The following RAD51AP1 variants were observed in gnomAD, a reference collection of about 807,000 sequenced individuals.
RAD51AP1 encodes RAD51-associated protein 1.
A neutral mutation model predicts 34.3 loss-of-function variants in RAD51AP1; 14 were observed. The ratio of observed to expected loss-of-function variants is 0.41; its 90% CI spans 0.27 to 0.64. The LOEUF (loss-of-function observed/expected upper bound fraction) is 0.64. Among genes scored for constraint, RAD51AP1 ranks in the 30% least tolerant of loss-of-function variants. RAD51AP1 has a pLI of 0.33. For synonymous variants in RAD51AP1, 114 were observed against 129.8 expected (o/e 0.88, Z 0.83); for missense variants, 348 against 386.9 (o/e 0.90, Z 0.84).
Position 4,556,359 on chromosome 12 carries a change from C to T in RAD51AP1, c.728C>T (p.Ser243Leu), listed in dbSNP as rs766644662. ...SKSKCNALVTSVDSAPAAVKS... is the reference protein window; with the variant it reads ...SKSKCNALVTLVDSAPAAVKS... The stretch of plus-strand genomic sequence containing the variant: ...CGTATATTTTTCAAATAAGTGACTT[C>T]GGTGGACTCTGCTCCAGCTGCCGTC... The change falls in exon 8 of 9, where the codon TCG becomes TTG. Residue 243 changes from serine (S) to leucine (L), a missense_variant. Ser to Leu is a moderately radical substitution (Grantham distance 145). Coordinates refer to ENST00000352618, the MANE Select transcript of RAD51AP1 (RefSeq NM_006479.5). 10 of 1,611,646 alleles carry T rather than the reference C, an allele frequency of 6.2e-6. No individual in the cohort carries two copies. Among genetic ancestry groups the T allele is most frequent in the Admixed American group, 3.4e-5 (2 of 59,532 alleles).
intron 8 of RAD51AP1, 60 bp from the exon 9 acceptor site, chr12:4,558,797 A>G: frequency 6.3e-7 from 1 of 1,580,320 alleles, no homozygotes; most frequent in Non-Finnish European, 8.6e-7. Context: ...TATTTTATAA[A>G]TTAATCTTTG....
intron 2 of RAD51AP1, among the ~76,000 whole-genome samples, chr12:4,542,894 C>T (rs577074957): frequency 1.3e-5 from 2 of 152,222 alleles, no homozygotes; most frequent in African/African-American, 4.8e-5. Context: ...CATCCTTTTG[C>T]AAGAAAATAA....
chr12:4,545,862 T>A (rs1358636001), intron 3 of RAD51AP1: 1 of 1,597,758 alleles, frequency 6.3e-7, no homozygotes, highest in Non-Finnish European at 8.5e-7. Flanking sequence ...TTTGTTAAAG[T>A]CTGGATTGGG....
intron 6 of RAD51AP1, among the ~76,000 whole-genome samples, chr12:4,552,313 T>C (rs906449407): frequency 2.0e-5 from 3 of 152,216 alleles, no homozygotes; most frequent in Non-Finnish European, 4.4e-5. Context: ...AATGCTTTTT[T>C]CTAGAGCAGC....
chr12:4,542,325 A>T (rs1248396739), intron 2 of RAD51AP1, among the ~76,000 whole-genome samples: 1 of 152,240 alleles, frequency 6.6e-6, no homozygotes, highest in East Asian at 1.9e-4. Context: ...GGTTAGGCTT[A>T]TGTTATGCCT....
chr12:4,546,256 T>A, intron 3 of RAD51AP1, 53 bp from the exon 4 acceptor site: 1 of 1,316,056 alleles, frequency 7.6e-7, no homozygotes, highest in Non-Finnish European at 1.1e-6. Flanking sequence ...CTTTGCTCTT[T>A]AGTTGAGATT....
At chr12:4,544,785 A>T (rs1488083801) in intron 3 of RAD51AP1, among the ~76,000 whole-genome samples, 6 of 152,216 alleles carry the variant, frequency 3.9e-5, no homozygotes, top group Admixed American at 3.9e-4. Context: ...ATTTCAATAG[A>T]CTTTCTCCAG....
chr12:4,548,033 C>T, intron 4 of RAD51AP1, 59 bp from the exon 5 acceptor site: 1 of 1,481,638 alleles, frequency 6.7e-7, no homozygotes, highest in Middle Eastern at 2.3e-4. Context: ...ACTAATTTTC[C>T]TATATCTAGA....
At chr12:4,540,063 G>C (rs1442223802) in intron 1 of RAD51AP1, among the ~76,000 whole-genome samples, 1 of 152,168 alleles carries the variant, frequency 6.6e-6, no homozygotes, top group Non-Finnish European at 1.5e-5. Context: ...AATTTGGGAT[G>C]TATTTCGGAG....
intron 8 of RAD51AP1, among the ~76,000 whole-genome samples, chr12:4,557,118 C>T (rs897384381): frequency 1.3e-5 from 2 of 152,180 alleles, no homozygotes; most frequent in Non-Finnish European, 2.9e-5. Flanking sequence ...CCTGTCTTTA[C>T]TTTCTGTCAT....
At position 4,553,017 on chromosome 12, in the gene RAD51AP1, G is replaced by C; in HGVS notation, c.591G>C (p.Glu197Asp). 6.3e-7 allele frequency: 1 copy of C among 1,597,516 alleles called. No individual in the cohort carries two copies. Among genetic ancestry groups the C allele is most frequent in the East Asian group, 2.2e-5 (1 of 44,652 alleles). Residue 197 changes from glutamate to aspartate, a missense_variant, in exon 7 of 9, where the codon GAG becomes GAC. Physicochemically the swap from Glu to Asp is conservative, Grantham distance 45. Coordinates refer to ENST00000352618, the MANE Select transcript of RAD51AP1 (RefSeq NM_006479.5). ...CTGAGGATGATTCTGATTTTTGTGA[G>C]AGTGAGGATAATGACGAAGACTTCT... ...EDSEDDSDFC[E>D]SEDNDEDFSM...
At chr12:4,556,018 G>A (rs1944579614) in intron 7 of RAD51AP1, among the ~76,000 whole-genome samples, 1 of 152,160 alleles carries the variant, frequency 6.6e-6, no homozygotes, top group Non-Finnish European at 1.5e-5. Context: ...GGATTTTGGA[G>A]GAAAATCTGG....
At chr12:4,558,336 G>A (rs1187044895) in intron 8 of RAD51AP1, among the ~76,000 whole-genome samples, 1 of 152,046 alleles carries the variant, frequency 6.6e-6, no homozygotes, top group African/African-American at 2.4e-5. Context: ...AGCAACTACA[G>A]TCACCATCAA....
intron 4 of RAD51AP1, among the ~76,000 whole-genome samples, chr12:4,547,062 G>A (rs1320983582): frequency 6.7e-6 from 1 of 149,108 alleles, no homozygotes; most frequent in East Asian, 1.9e-4. Context: ...AATCAGTACT[G>A]CCTCCTTATT....
At chr12:4,548,564 G>T in intron 5 of RAD51AP1, 123 bp from the exon 6 acceptor site, 1 of 1,162,728 alleles carries the variant, frequency 8.6e-7, no homozygotes, top group Non-Finnish European at 1.2e-6. Flanking sequence ...TCTATTACTG[G>T]AAGCATGGGA....
At chr12:4,556,289 T>A in intron 7 of RAD51AP1, 64 bp from the exon 8 acceptor site, 1 of 1,196,324 alleles carries the variant, frequency 8.4e-7, no homozygotes, top group East Asian at 2.3e-5. Context: ...TTTTTACACA[T>A]ATATGCTAGA....
intron 1 of RAD51AP1, among the ~76,000 whole-genome samples, chr12:4,540,342 G>T (rs914501982): frequency 6.6e-6 from 1 of 152,170 alleles, no homozygotes; most frequent in Non-Finnish European, 1.5e-5. Context: ...ATGGTCTACA[G>T]ACCTCTGTGG....
intron 7 of RAD51AP1, among the ~76,000 whole-genome samples, chr12:4,555,122 G>T (rs1453148360): frequency 1.3e-5 from 2 of 151,952 alleles, no homozygotes; most frequent in Non-Finnish European, 2.9e-5. Context: ...ATACCCCTAG[G>T]TATCTCAAAA....
At position 4,545,733 on chromosome 12, in the gene RAD51AP1, G is replaced by T. The variant is rs1165980579; in HGVS notation, c.210-576G>T. On this transcript the variant is annotated intron_variant, in intron 3 of 8. Coordinates refer to ENST00000352618, the MANE Select transcript of RAD51AP1 (RefSeq NM_006479.5). Reference sequence around the variant, plus strand: ...GGACTTTATAGTCTGCCTTTTATAGGATAATTATTAGCATGTCTTGTTTCC... The same window carrying T: ...GGACTTTATAGTCTGCCTTTTATAGTATAATTATTAGCATGTCTTGTTTCC... 11 of 1,602,192 alleles carry T rather than the reference G, an allele frequency of 6.9e-6. No individual in the cohort carries two copies. In the Admixed American group the frequency reaches 1.5e-4, roughly 22 times the overall value.
Sources: gnomAD v4.1 joint callset for allele counts (sites outside exome capture counted in the v4.1 genomes callset) on GRCh38, gnomAD v4.1.1 for gene constraint, MANE v1.5 for transcripts, NCBI Gene and HGNC (gene_info 2026-07-23, HGNC 2026-07-21) for gene names.